Variants in ADGRL1 observed in about 807,000 individuals in gnomAD.
ADGRL1 encodes the protein CIRL-1.
ADGRL1 carries 31 observed loss-of-function variants against 148.9 expected under a neutral mutation model. The ratio of observed to expected loss-of-function variants is 0.21; its 90% CI spans 0.16 to 0.28. ADGRL1 has a LOEUF of 0.28. ADGRL1 is among the 10% of genes least tolerant of loss of function. The pLI, the probability that ADGRL1 is intolerant of heterozygous loss-of-function variation, is 1.00. For missense variants in ADGRL1, 1,521 were observed against 2,058.8 expected, an observed-to-expected ratio of 0.74 and a Z score of 5.05; for synonymous variants, 937 against 900.3, an observed-to-expected ratio of 1.04 and a Z score of -0.73.
chr19:14,168,003 C>T (rs1011300200), intron 4 of ADGRL1, among the ~76,000 whole-genome samples: 1 of 152,164 alleles, frequency 6.6e-6, no homozygotes, highest in East Asian at 1.9e-4. Context: ...ATTAGTCGGG[C>T]TTGTCCACTG....
chr19:14,153,532 C>T (rs1399213638), intron 18 of ADGRL1, among the ~76,000 whole-genome samples: 1 of 150,802 alleles, frequency 6.6e-6, no homozygotes, highest in Non-Finnish European at 1.5e-5. Flanking sequence ...TCTCCTGCCA[C>T]AGCCTCCTGA....
intron 3 of ADGRL1, among the ~76,000 whole-genome samples, chr19:14,172,148 G>C (rs969007201): frequency 3.9e-5 from 6 of 152,224 alleles, no homozygotes; most frequent in African/African-American, 1.4e-4. Flanking sequence ...CTGGCTGGGC[G>C]TGGTGGCTCA....
chr19:14,183,406 G>T, intron 2 of ADGRL1, 127 bp downstream of exon 2: 1 of 841,536 alleles, frequency 1.2e-6, no homozygotes. Context: ...TGCTCCAGCT[G>T]AGGTCTGGGG....
chr19:14,175,600 TCATA>T (rs771418902), intron 3 of ADGRL1, among the ~76,000 whole-genome samples: 17 of 149,112 alleles, frequency 1.1e-4, no homozygotes, highest in African/African-American at 2.7e-4. Flanking sequence ...CAATACACAC[TCATA>T]CAGACACACT....
Position 14,151,047 on chromosome 19 carries a change from GGGGGGTGCGGGA to G in ADGRL1, c.4224_4235del (p.Pro1409_Pro1412del). On this transcript the variant is annotated inframe_deletion, in exon 23 of 23. Transcript: ENST00000361434. ...AGGTGTAGTAGATTTCGGGGGGGCCGGGGGGTGCGGGAGGGGGTGGGGGCAGGGCCTCACTGG... is the reference window on the plus strand; with the variant it reads ...AGGTGTAGTAGATTTCGGGGGGGCCGGGGGGTGGGGGCAGGGCCTCACTGG... 1 of 1,493,372 alleles carries G rather than the reference GGGGGGTGCGGGA, an allele frequency of 6.7e-7. No homozygotes were observed. Among genetic ancestry groups the G allele is most frequent in the Non-Finnish European group, 8.9e-7 (1 of 1,117,512 alleles). 92.5% of individuals were successfully genotyped at this position (1,493,372 alleles called of 1,614,324 possible). A position where few individuals can be genotyped will look rare whatever the true frequency, so the allele number is the denominator to read the frequency against.
chr19:14,162,586 T>C lies in ADGRL1; in HGVS notation c.1195+20A>G. On this transcript the variant is annotated intron_variant, in intron 5 of 22. Transcript: ENST00000361434. This position sits in a 1 kb window ranked among gnomAD's most constrained non-coding sequence, Gnocchi z 5.4. ...GACAAAGGCAAGCAGGCTCCATGCC[T>C]GGAAGTGAGTCGTCCTCACCAGCAC... 4 of 1,582,684 alleles carry C rather than the reference T, an allele frequency of 2.5e-6. No homozygotes were observed. Among genetic ancestry groups the C allele is most frequent in the Non-Finnish European group, 3.4e-6 (4 of 1,160,432 alleles).
Position 14,155,667 on chromosome 19 carries a change from T to C in ADGRL1, c.3126-140A>G. On this transcript the variant is annotated intron_variant, in intron 17 of 22. Transcript: ENST00000361434. The surrounding 1 kb of genome is among the most constrained non-coding windows in gnomAD (Gnocchi z 5.0). ...AAGCCCTGAGCGGGCCGAGTGGGCCTTGGGGGCAGTGGCCTGCCCAGGACA... is the reference window on the plus strand; with the variant it reads ...AAGCCCTGAGCGGGCCGAGTGGGCCCTGGGGGCAGTGGCCTGCCCAGGACA... The C allele has an allele frequency of 1.3e-6, 1 of 796,194 alleles. No homozygotes were observed. Among genetic ancestry groups the C allele is most frequent in the Non-Finnish European group, 2.0e-6 (1 of 510,954 alleles). The allele number at this position is 796,194 out of a possible 1,614,324, so 49.3% of individuals were successfully genotyped here.
chr19:14,161,318 T>C lies in ADGRL1; in HGVS notation c.1504A>G (p.Thr502Ala). 6.3e-7 allele frequency: 1 copy of C among 1,581,866 alleles called. No individual in the cohort carries two copies. Among genetic ancestry groups the C allele is most frequent in the East Asian group, 2.3e-5 (1 of 43,362 alleles). ...CTGCAGCCTCTGTACTCACCTCGAGTCCCCTTGGGGCAGGGCCTCTCCACC... is the reference window on the plus strand; with the variant it reads ...CTGCAGCCTCTGTACTCACCTCGAGCCCCCTTGGGGCAGGGCCTCTCCACC... ...MLVERPCPKG[T>A]RGIASFQCLP... Residue 502 changes from threonine (T) to alanine (A), a missense_variant, in exon 6 of 23, where the codon ACT becomes GCT. Physicochemically the swap from Thr to Ala is moderately conservative, Grantham distance 58. Transcript: ENST00000361434. This position sits in a 1 kb window ranked among gnomAD's most constrained non-coding sequence, Gnocchi z 4.4.
Position 14,161,498 on chromosome 19 carries a change from T to C in ADGRL1, c.1324A>G (p.Ile442Val). The part of the protein sequence containing the change: ...APLTTHPVGA[I>V]NQLGPDLPPA... ...GGCAGATCAGGTCCCAGCTGGTTGA[T>C]GGCACCCACTGGGTGCGTGGTGAGG... Residue 442 changes from isoleucine to valine, a missense_variant, in exon 6 of 23, where the codon ATC becomes GTC. Around this residue, in one of 8 missense-constraint regions of ADGRL1, gnomAD observed 270 missense variants for 320.4 expected, o/e 0.84. Transcript: ENST00000361434. The surrounding 1 kb of genome is among the most constrained non-coding windows in gnomAD (Gnocchi z 4.4). The C allele has an allele frequency of 7.0e-7, 1 of 1,433,856 alleles. No individual in the cohort carries two copies. Among genetic ancestry groups the C allele is most frequent in the Non-Finnish European group, 9.2e-7 (1 of 1,091,182 alleles). 88.8% of individuals were successfully genotyped at this position (1,433,856 alleles called of 1,614,324 possible).
chr19:14,184,489 A>G (rs1158928089), intron 1 of ADGRL1, among the ~76,000 whole-genome samples: 1 of 150,686 alleles, frequency 6.6e-6, no homozygotes, highest in Admixed American at 6.6e-5. Flanking sequence ...CTGGAGTGCA[A>G]TGATATAATC....
chr19:14,204,089 C>T (rs1972798686), intron 1 of ADGRL1, among the ~76,000 whole-genome samples: 1 of 152,092 alleles, frequency 6.6e-6, no homozygotes, highest in Admixed American at 6.6e-5. Context: ...TTTCCGAATT[C>T]CAGATGATTT....
intron 1 of ADGRL1, among the ~76,000 whole-genome samples, chr19:14,192,786 G>A (rs1327337422): frequency 6.6e-6 from 1 of 152,046 alleles, no homozygotes; most frequent in African/African-American, 2.4e-5. Context: ...CCCAACCTCA[G>A]ATGATCCACG....
intron 12 of ADGRL1, 102 bp from the exon 13 acceptor site, chr19:14,158,154 G>C: frequency 5.9e-6 from 8 of 1,346,500 alleles, no homozygotes; most frequent in Non-Finnish European, 8.3e-6. Flanking sequence ...AAGTATCAAA[G>C]AAGTGCCTGG....
chr19:14,178,133 T>C (rs991297136), intron 2 of ADGRL1, among the ~76,000 whole-genome samples: 1 of 152,152 alleles, frequency 6.6e-6, no homozygotes, highest in Non-Finnish European at 1.5e-5. Flanking sequence ...TATTTGGAGA[T>C]AAGGTCTTTA....
chr19:14,182,768 A>T (rs1396624714), intron 2 of ADGRL1, among the ~76,000 whole-genome samples: 1 of 152,048 alleles, frequency 6.6e-6, no homozygotes, highest in East Asian at 1.9e-4. Context: ...GCAGCAGAGG[A>T]GTGAGGTTGC....
rs1361038789 is a variant in ADGRL1 at position 14,149,032 on chromosome 19, G to A, written c.*1841C>T. ...TGAGAAAAGGAGGGGCAGAGAGATGGGGAGAGGTCAGAGCAGAGGTGGAGG... is the reference window on the plus strand; with the variant it reads ...TGAGAAAAGGAGGGGCAGAGAGATGAGGAGAGGTCAGAGCAGAGGTGGAGG... On this transcript the variant is annotated 3_prime_UTR_variant, in exon 23 of 23. Coordinates refer to ENST00000361434, the MANE Select transcript of ADGRL1 (RefSeq NM_014921.5). 2.0e-5 allele frequency: 3 copies of A among 152,954 alleles called. No homozygotes were observed. The highest frequency in any genetic ancestry group is 4.4e-5 in the Non-Finnish European group (3 of 68,332). 9.5% of individuals were successfully genotyped at this position (152,954 alleles called of 1,614,324 possible).
At chr19:14,182,419 C>T (rs936112403) in intron 2 of ADGRL1, among the ~76,000 whole-genome samples, 2 of 152,098 alleles carry the variant, frequency 1.3e-5, no homozygotes, top group East Asian at 1.9e-4. Context: ...GGGACCGTCG[C>T]TTGTAGGTGA....
In ADGRL1 at chr19:14,159,860, G is replaced by A. The variant is rs770581845; in HGVS notation, c.1801-87C>T. The A allele has an allele frequency of 2.5e-5, 31 of 1,248,592 alleles. No individual in the cohort carries two copies. Among genetic ancestry groups the A allele is most frequent in the Non-Finnish European group, 3.1e-5 (26 of 850,216 alleles). 77.3% of individuals were successfully genotyped at this position (1,248,592 alleles called of 1,614,324 possible). ...ACTGTCACATCTGGATAGCTCTCTCGTCTGCGGTTACCACTGACCCAGGGC... is the reference window on the plus strand; with the variant it reads ...ACTGTCACATCTGGATAGCTCTCTCATCTGCGGTTACCACTGACCCAGGGC... On this transcript the variant is annotated intron_variant, in intron 8 of 22. Transcript: ENST00000361434. The surrounding 1 kb of genome is among the most constrained non-coding windows in gnomAD (Gnocchi z 6.0).
rs528417124 is a variant in ADGRL1 at position 14,156,897 on chromosome 19, G to C, written c.2966+28C>G. ...CGCCCAGCAGGGAACCAGGTGGGAG[G>C]GTGCAGGGCTGGGAGGTGGAAACTC... On this transcript the variant is annotated intron_variant, in intron 15 of 22. Transcript: ENST00000361434. 8 of 1,603,024 alleles carry C rather than the reference G, an allele frequency of 5.0e-6. No individual in the cohort carries two copies. In the South Asian group the frequency reaches 7.8e-5, roughly 16 times the overall value.
Sources: allele counts gnomAD v4.1 joint callset (sites outside exome capture counted in the v4.1 genomes callset), GRCh38; gene constraint gnomAD v4.1.1; regional missense constraint gnomAD v4.1.1; non-coding constraint Gnocchi (gnomAD v3.1); transcripts MANE v1.5; gene names NCBI Gene and HGNC (gene_info 2026-07-23, HGNC 2026-07-21).